Variants in SLC16A7 observed in about 807,000 individuals in gnomAD.
The protein encoded by SLC16A7 is monocarboxylate transporter 2.
Under a neutral mutation model 34.9 loss-of-function variants are expected in SLC16A7, and 33 were observed. That is an observed-to-expected ratio of 0.94 (90% CI 0.72 to 1.26). SLC16A7 has a LOEUF of 1.26. Ranked by LOEUF, SLC16A7 falls within the 50% of genes most tolerant of loss-of-function variation. The probability of loss-of-function intolerance (pLI) is 0.00; values close to 1 mark genes in which losing one functional copy is unlikely to be tolerated. For synonymous variants in SLC16A7, 201 were observed against 206.6 expected (o/e 0.97, Z 0.23); for missense variants, 573 against 578.1 (o/e 0.99, Z 0.09).
intron 2 of SLC16A7, among the ~76,000 whole-genome samples, chr12:59,699,721 T>C (rs1872678102): frequency 6.6e-6 from 1 of 151,768 alleles, no homozygotes; most frequent in Non-Finnish European, 1.5e-5. Context: ...TTATGAGTGG[T>C]TCCATATTTG....
intron 2 of SLC16A7, among the ~76,000 whole-genome samples, chr12:59,697,586 A>G (rs1194890485): frequency 6.6e-6 from 1 of 151,884 alleles, no homozygotes; most frequent in African/African-American, 2.4e-5. Context: ...AGATATATTT[A>G]GCAAATATTC....
chr12:59,713,050 C>T (rs1338867457), intron 3 of SLC16A7, among the ~76,000 whole-genome samples: 2 of 151,382 alleles, frequency 1.3e-5, no homozygotes, highest in East Asian at 3.9e-4. Flanking sequence ...GATGTAGTCT[C>T]GCTCTGTTGC....
At chr12:59,684,643 G>C (rs1477333699) in intron 2 of SLC16A7, among the ~76,000 whole-genome samples, 3 of 152,166 alleles carry the variant, frequency 2.0e-5, no homozygotes. Flanking sequence ...GAGCAAACAT[G>C]AGTGTGTAGA....
rs144779308 is a variant in SLC16A7 at position 59,661,907 on chromosome 12, A to G, written c.-31+6657A>G. Among the ~76,000 whole-genome samples, 1,160 of 152,234 alleles carry G rather than the reference A, an allele frequency of 7.6e-3. 18 individuals are homozygous for G. Among genetic ancestry groups the G allele is most frequent in the African/African-American group, 0.025 (1,041 of 41,562 alleles). ...TTAATGTGGATTGTTTCCTTCTGCTATAAGCTAAATTTTAGCTCCATTGTA... is the reference window on the plus strand; with the variant it reads ...TTAATGTGGATTGTTTCCTTCTGCTGTAAGCTAAATTTTAGCTCCATTGTA... On this transcript the variant is annotated intron_variant, in intron 2 of 5. Coordinates refer to ENST00000547379, the MANE Select transcript of SLC16A7 (RefSeq NM_001270623.2).
At chr12:59,723,744 T>C (rs551396146) in intron 3 of SLC16A7, among the ~76,000 whole-genome samples, 1 of 152,156 alleles carries the variant, frequency 6.6e-6, no homozygotes, top group South Asian at 2.1e-4. Context: ...TAGGTCACAG[T>C]GTAAATATGC....
intron 2 of SLC16A7, among the ~76,000 whole-genome samples, chr12:59,688,615 A>T (rs1375899709): frequency 1.3e-5 from 2 of 152,088 alleles, no homozygotes; most frequent in East Asian, 3.9e-4. Flanking sequence ...GGTAATCAGC[A>T]AATGTTATTT....
chr12:59,675,228 G>A (rs530104517), intron 2 of SLC16A7, among the ~76,000 whole-genome samples: 10 of 152,156 alleles, frequency 6.6e-5, no homozygotes, highest in Admixed American at 2.0e-4. Flanking sequence ...TTCACTGATC[G>A]TAGTGTTATG....
chr12:59,762,094 T>G (rs1418977539), intron 3 of SLC16A7, among the ~76,000 whole-genome samples: 1 of 152,146 alleles, frequency 6.6e-6, no homozygotes, highest in East Asian at 1.9e-4. Flanking sequence ...TAATGTAATC[T>G]GACTCAAGGA....
chr12:59,700,862 A>G (rs1010619587), intron 2 of SLC16A7, among the ~76,000 whole-genome samples: 1 of 151,718 alleles, frequency 6.6e-6, no homozygotes, highest in Non-Finnish European at 1.5e-5. Flanking sequence ...AGCCCCAACT[A>G]TGACTTATTG....
intron 3 of SLC16A7, among the ~76,000 whole-genome samples, chr12:59,755,585 C>T (rs1592651691): frequency 6.6e-6 from 1 of 152,084 alleles, no homozygotes; most frequent in East Asian, 1.9e-4. Context: ...AACTACAAAC[C>T]ACTGCTCAAT....
At chr12:59,608,115 A>T (rs1879026781) in intron 1 of SLC16A7, among the ~76,000 whole-genome samples, 1 of 152,154 alleles carries the variant, frequency 6.6e-6, no homozygotes, top group African/African-American at 2.4e-5. Flanking sequence ...CTGATTTTTT[A>T]TGGAACTATA....
Position 59,786,343 on chromosome 12 carries a change from T to C in SLC16A7, c.*6664T>C, listed in dbSNP as rs1001971547. ...TTCTTTTGACTAAGACTTTAATTCT[T>C]ATATGCATCTAAAATAAATGTTTTG... On this transcript the variant is annotated 3_prime_UTR_variant, in exon 6 of 6. Coordinates refer to ENST00000547379, the MANE Select transcript of SLC16A7 (RefSeq NM_001270623.2). The C allele has an allele frequency of 6.6e-6, 1 of 151,052 alleles. No homozygotes were observed. The highest frequency in any genetic ancestry group is 1.5e-5 in the Non-Finnish European group (1 of 67,962). The allele number at this position is 151,052 out of a possible 1,614,324, so 9.4% of individuals were successfully genotyped here.
intron 1 of SLC16A7, among the ~76,000 whole-genome samples, chr12:59,644,981 C>T (rs1880845485): frequency 6.6e-6 from 1 of 152,186 alleles, no homozygotes; most frequent in South Asian, 2.1e-4. Flanking sequence ...AACCCATTAT[C>T]ATTTATCAAC....
At chr12:59,724,265 C>T (rs1336338151) in intron 3 of SLC16A7, among the ~76,000 whole-genome samples, 6 of 151,980 alleles carry the variant, frequency 3.9e-5, no homozygotes, top group Non-Finnish European at 5.9e-5. Flanking sequence ...TGTGATAAAG[C>T]AGGGCAACTT....
intron 3 of SLC16A7, among the ~76,000 whole-genome samples, chr12:59,739,058 A>G (rs1428074328): frequency 2.7e-5 from 4 of 149,512 alleles, no homozygotes; most frequent in Admixed American, 6.7e-5. Context: ...TATTATTATT[A>G]TACTTTAAGT....
At chr12:59,626,240 T>G (rs989774765) in intron 1 of SLC16A7, among the ~76,000 whole-genome samples, 3 of 89,920 alleles carry the variant, frequency 3.3e-5, no homozygotes, top group Non-Finnish European at 5.5e-5. Flanking sequence ...GTCCCTGAGG[T>G]TTTTTTGTTT....
intron 2 of SLC16A7, among the ~76,000 whole-genome samples, chr12:59,681,849 A>G (rs1331453046): frequency 6.6e-6 from 1 of 152,152 alleles, no homozygotes; most frequent in Non-Finnish European, 1.5e-5. Context: ...CCCCTGAGGA[A>G]CATGGCTCAG....
intron 2 of SLC16A7, among the ~76,000 whole-genome samples, chr12:59,686,978 C>T (rs767767298): frequency 5.9e-5 from 9 of 151,714 alleles, no homozygotes; most frequent in Non-Finnish European, 8.8e-5. Flanking sequence ...GTGCTATGTA[C>T]GTTAAATACC....
intron 1 of SLC16A7, among the ~76,000 whole-genome samples, chr12:59,619,222 A>T (rs7965740): frequency 0.3 from 46,268 of 151,926 alleles, 9,163 homozygotes; most frequent in East Asian, 0.66. Flanking sequence ...CTGATTTGCA[A>T]TAAAGACTTC....
Sources: allele counts gnomAD v4.1 joint callset (sites outside exome capture counted in the v4.1 genomes callset), GRCh38; gene constraint gnomAD v4.1.1; transcripts MANE v1.5; gene names NCBI Gene and HGNC (gene_info 2026-07-23, HGNC 2026-07-21).